Variants in DIAPH2 observed in about 807,000 individuals in gnomAD.
The protein encoded by DIAPH2 is diaphanous related formin 2.
In DIAPH2, 35 loss-of-function variants were observed where a neutral mutation model predicts 92.7. That is an observed-to-expected ratio of 0.38 (90% CI 0.29 to 0.50). The LOEUF is 0.50. Among genes scored for constraint, DIAPH2 ranks in the 20% least tolerant of loss-of-function variants. The pLI, the probability that DIAPH2 is intolerant of heterozygous loss-of-function variation, is 0.94. For synonymous variants in DIAPH2, 301 were observed against 280.4 expected, an observed-to-expected ratio of 1.07 and a Z score of -0.73; for missense variants, 701 against 819.5, an observed-to-expected ratio of 0.86 and a Z score of 1.77.
At chrX:96,801,508 T>A (rs2064582297) in intron 4 of DIAPH2, among the ~76,000 whole-genome samples, 1 of 109,568 alleles carries the variant, frequency 9.1e-6, no homozygotes, top group Non-Finnish European at 1.9e-5. Context: ...TGAGAGAGGG[T>A]TTCATAAGAT....
chrX:96,911,265 A>T (rs1210139848), intron 5 of DIAPH2, among the ~76,000 whole-genome samples: 2 of 111,669 alleles, frequency 1.8e-5, no homozygotes, highest in African/African-American at 3.3e-5. Flanking sequence ...GGAATCACCA[A>T]TTGGGAGTCT....
At chrX:97,385,069 T>C (rs1342167932) in intron 25 of DIAPH2, among the ~76,000 whole-genome samples, 3 of 110,077 alleles carry the variant, frequency 2.7e-5, no homozygotes, top group Non-Finnish European at 5.7e-5. Flanking sequence ...CTTTGTCACC[T>C]GAGGTTTAGA....
At chrX:97,213,962 T>C (rs2067861226) in intron 22 of DIAPH2, among the ~76,000 whole-genome samples, 1 of 112,099 alleles carries the variant, frequency 8.9e-6, no homozygotes, top group Non-Finnish European at 1.9e-5. Flanking sequence ...AGGAAATCTT[T>C]ACTGAGCAGC....
intron 17 of DIAPH2, among the ~76,000 whole-genome samples, chrX:97,019,115 A>G (rs1242496095): frequency 8.9e-6 from 1 of 111,831 alleles, no homozygotes; most frequent in Non-Finnish European, 1.9e-5. Flanking sequence ...GCACCTACCA[A>G]AGGACATCTT....
At chrX:97,341,644 A>G (rs907198906) in intron 23 of DIAPH2, among the ~76,000 whole-genome samples, 2 of 111,001 alleles carry the variant, frequency 1.8e-5, no homozygotes, top group African/African-American at 6.6e-5. Flanking sequence ...AGGCCTGAGA[A>G]CCAGGGGAGC....
chrX:96,910,159 A>G (rs1385357020), intron 5 of DIAPH2, among the ~76,000 whole-genome samples: 1 of 110,932 alleles, frequency 9.0e-6, no homozygotes, highest in Admixed American at 9.7e-5. Context: ...ATTACATATT[A>G]TTTAAGTATA....
chrX:96,809,185 A>G (rs1273856699), intron 4 of DIAPH2, among the ~76,000 whole-genome samples: 2 of 110,944 alleles, frequency 1.8e-5, no homozygotes, highest in African/African-American at 3.3e-5. Context: ...CTCCATTGCA[A>G]CTTTTCTGGA....
chrX:97,366,590 A>G (rs1195692973), intron 24 of DIAPH2, among the ~76,000 whole-genome samples: 3 of 111,661 alleles, frequency 2.7e-5, no homozygotes, highest in Non-Finnish European at 5.6e-5. Context: ...TTACATCTTC[A>G]TTATTTATCC....
At chrX:97,154,825 C>G in intron 22 of DIAPH2, among the ~76,000 whole-genome samples, 1 of 112,365 alleles carries the variant, frequency 8.9e-6, no homozygotes, top group Non-Finnish European at 1.9e-5. Flanking sequence ...AATCTGTGCA[C>G]TTATTCATGT....
chrX:97,449,073 G>A (rs2070336738), intron 26 of DIAPH2, among the ~76,000 whole-genome samples: 1 of 111,663 alleles, frequency 9.0e-6, no homozygotes, highest in Non-Finnish European at 1.9e-5. Context: ...CCTGACATTT[G>A]CTATGTTAAT....
At chrX:97,505,597 G>A (rs961799784) in intron 26 of DIAPH2, among the ~76,000 whole-genome samples, 1 of 110,381 alleles carries the variant, frequency 9.1e-6, no homozygotes, top group Non-Finnish European at 1.9e-5. Context: ...ATAAAGAAAG[G>A]TCAATTCTGC....
intron 5 of DIAPH2, among the ~76,000 whole-genome samples, chrX:96,888,555 CTA>C (rs973299184): frequency 3.9e-5 from 3 of 77,114 alleles, no homozygotes; most frequent in African/African-American, 1.1e-4. Context: ...ATATATATAT[CTA>C]TATATATACA....
chrX:96,890,841 C>G (rs2065302417), intron 5 of DIAPH2, among the ~76,000 whole-genome samples: 1 of 111,912 alleles, frequency 8.9e-6, no homozygotes. Context: ...TTTATAAGCC[C>G]TCATTAACTG....
chrX:97,559,730 A>G lies in DIAPH2; in HGVS notation c.3242-39523A>G, dbSNP rs1602668608. The stretch of plus-strand genomic sequence containing the variant: ...AAAGTAAAGATTTAACCAAAAAAAT[A>G]CAGACAATATAAAACCATGAAGATT... On this transcript the variant is annotated intron_variant, in intron 26 of 26. Transcript: ENST00000324765. Among the ~76,000 whole-genome samples the G allele has an allele frequency of 1.8e-5, 2 of 112,106 alleles. 1 individual carries two copies.
chrX:97,455,384 G>C (rs938168792), intron 26 of DIAPH2, among the ~76,000 whole-genome samples: 4 of 112,190 alleles, frequency 3.6e-5, no homozygotes, highest in African/African-American at 1.3e-4. Flanking sequence ...CCAGTTATAT[G>C]TTAAAATATA....
intron 23 of DIAPH2, among the ~76,000 whole-genome samples, chrX:97,277,813 C>T (rs367919330): frequency 8.9e-6 from 1 of 111,848 alleles, no homozygotes; most frequent in African/African-American, 3.2e-5. Flanking sequence ...TGACTATAGC[C>T]GGTTGAACAT....
chrX:96,811,242 A>G (rs757554090), intron 4 of DIAPH2, among the ~76,000 whole-genome samples: 36 of 111,313 alleles, frequency 3.2e-4, no homozygotes, highest in African/African-American at 1.1e-3. Context: ...CATCCCTTGT[A>G]AGTTGGATTC....
chrX:97,334,998 C>CAAACAAAAAA (rs2069042766), intron 23 of DIAPH2, among the ~76,000 whole-genome samples: 1 of 31,453 alleles, frequency 3.2e-5, no homozygotes, highest in Middle Eastern at 0.053. Context: ...AAAAACAAAA[C>CAAACAAAAAA]AAAAAAAAAA....
At chrX:97,314,743 T>C (rs2068826959) in intron 23 of DIAPH2, among the ~76,000 whole-genome samples, 1 of 112,009 alleles carries the variant, frequency 8.9e-6, no homozygotes, top group Non-Finnish European at 1.9e-5. Flanking sequence ...TTAGAGAATT[T>C]AGAGAAATAC....
Sources: allele counts gnomAD v4.1 joint callset (sites outside exome capture counted in the v4.1 genomes callset), GRCh38; gene constraint gnomAD v4.1.1; transcripts MANE v1.5; gene names NCBI Gene and HGNC (gene_info 2026-07-23, HGNC 2026-07-21).